The following RORA variants were observed in gnomAD, a reference collection of about 807,000 sequenced individuals.
RORA encodes RAR related orphan receptor A, also known as nuclear receptor ROR-alpha.
In RORA, 7 loss-of-function variants were observed where a neutral mutation model predicts 69.5. The ratio of observed to expected loss-of-function variants is 0.10; its 90% CI spans 0.06 to 0.19. The LOEUF is 0.19. Ranked by LOEUF, RORA falls within the 10% of genes least tolerant of loss-of-function variation. The probability of loss-of-function intolerance (pLI) is 1.00; values close to 1 mark genes in which losing one functional copy is unlikely to be tolerated. For missense variants in RORA, 457 were observed against 663.0 expected, an observed-to-expected ratio of 0.69 and a Z score of 3.41; for synonymous variants, 261 against 240.8, an observed-to-expected ratio of 1.08 and a Z score of -0.78.
chr15:60,793,042 A>G (rs946499701), intron 1 of RORA, among the ~76,000 whole-genome samples: 24 of 148,452 alleles, frequency 1.6e-4, no homozygotes, highest in African/African-American at 1.7e-4. Context: ...GAGAGAGAGA[A>G]AAAAAAAAAG....
chr15:60,845,733 G>C (rs146006303), intron 1 of RORA, among the ~76,000 whole-genome samples: 1,791 of 152,270 alleles, frequency 0.012, 22 homozygotes, highest in Non-Finnish European at 0.019. Flanking sequence ...ATACACCTCA[G>C]TATGTGAAGC....
At chr15:61,067,539 G>A (rs765419757) in intron 1 of RORA, among the ~76,000 whole-genome samples, 1 of 152,274 alleles carries the variant, frequency 6.6e-6, no homozygotes, top group Non-Finnish European at 1.5e-5. Flanking sequence ...ATGGCAGGTG[G>A]ACATGCATCT....
chr15:60,873,235 GTGTGTGTGTGTGTCTGTGTGTGTGTGTC>G (rs6145585), intron 1 of RORA, among the ~76,000 whole-genome samples: 12,386 of 130,440 alleles, frequency 0.095, 664 homozygotes, highest in Non-Finnish European at 0.14. Context: ...GTGTGTGTGT[GTGTGTGTGTGTGTCTGTGTGTGTGTGTC>G]TGTGTGTGTG....
In RORA at chr15:60,903,384, C is replaced by T. The variant is rs1012350358; in HGVS notation, c.167-224698G>A. ...AGGATCTGTTGTTTCTACTGTTGGACGCGTTTATGGGCCCTATTGGCCGAT... is the reference window on the plus strand; with the variant it reads ...AGGATCTGTTGTTTCTACTGTTGGATGCGTTTATGGGCCCTATTGGCCGAT... On this transcript the variant is annotated intron_variant, in intron 1 of 10. Transcript: ENST00000335670. Among the ~76,000 whole-genome samples, 6 of 152,092 alleles carry T rather than the reference C, an allele frequency of 3.9e-5. No individual in the cohort carries two copies. In the South Asian group the frequency reaches 6.2e-4, roughly 16 times the overall value.
At chr15:61,007,752 G>A (rs919586530) in intron 1 of RORA, among the ~76,000 whole-genome samples, 4 of 147,192 alleles carry the variant, frequency 2.7e-5, no homozygotes. Context: ...TTAGCCTAAT[G>A]TTATATATTA....
At chr15:60,699,579 A>C (rs2070953333) in intron 1 of RORA, among the ~76,000 whole-genome samples, 2 of 152,228 alleles carry the variant, frequency 1.3e-5, no homozygotes, top group African/African-American at 4.8e-5. Context: ...AAATAAGGCC[A>C]ACCATTGAGA....
At chr15:61,165,294 CG>C (rs762478073) in intron 1 of RORA, among the ~76,000 whole-genome samples, 16 of 152,290 alleles carry the variant, frequency 1.1e-4, no homozygotes, top group Non-Finnish European at 2.4e-4. Flanking sequence ...GTCATCCATT[CG>C]GATTACTTCT....
At chr15:61,071,664 TGGGGA>T (rs1182756581) in intron 1 of RORA, among the ~76,000 whole-genome samples, 82 of 3,292 alleles carry the variant, frequency 0.025, no homozygotes, top group Non-Finnish European at 0.036. Flanking sequence ...TGGGGAGGGG[TGGGGA>T]GGGGAGAGGG....
At chr15:60,858,131 T>C (rs1418638234) in intron 1 of RORA, among the ~76,000 whole-genome samples, 1 of 152,184 alleles carries the variant, frequency 6.6e-6, no homozygotes, top group East Asian at 1.9e-4. Flanking sequence ...GGCCAGTATA[T>C]AACGTTACTA....
At chr15:61,023,512 C>A (rs886676579) in intron 1 of RORA, among the ~76,000 whole-genome samples, 3 of 152,156 alleles carry the variant, frequency 2.0e-5, no homozygotes, top group African/African-American at 7.2e-5. Context: ...TCCCACAACA[C>A]GTGAGAATTA....
At chr15:60,973,992 C>T (rs910404125) in intron 1 of RORA, among the ~76,000 whole-genome samples, 5 of 152,244 alleles carry the variant, frequency 3.3e-5, no homozygotes, top group Non-Finnish European at 7.3e-5. Context: ...TGTATCCAAT[C>T]CATACCTGAG....
chr15:60,667,335 A>G (rs1161365780), intron 2 of RORA, among the ~76,000 whole-genome samples: 1 of 152,204 alleles, frequency 6.6e-6, no homozygotes, highest in African/African-American at 2.4e-5. Context: ...TCTGTCACTA[A>G]CAACTTTATA....
chr15:60,727,500 G>A (rs982131703), intron 1 of RORA, among the ~76,000 whole-genome samples: 5 of 152,110 alleles, frequency 3.3e-5, no homozygotes, highest in African/African-American at 1.2e-4. Flanking sequence ...CTCGCTGACA[G>A]CTGATCCCTT....
chr15:60,863,230 G>C (rs1427204473), intron 1 of RORA, among the ~76,000 whole-genome samples: 1 of 152,186 alleles, frequency 6.6e-6, no homozygotes, highest in Non-Finnish European at 1.5e-5. Context: ...GCCTGGGCTT[G>C]CACATTAGTG....
rs376919108 is a variant in RORA, at chr15:60,894,204, G to A, written c.167-215518C>T. Among the ~76,000 whole-genome samples, 97 of 152,348 alleles carry A rather than the reference G, an allele frequency of 6.4e-4. 2 individuals carry two copies. The South Asian group carries it at 0.016, about 25-fold the overall frequency. On this transcript the variant is annotated intron_variant, in intron 1 of 10. Coordinates refer to ENST00000335670, the MANE Select transcript of RORA (RefSeq NM_134261.3). ...CTTTTCATGTGAAGCTGGCAAAGCC[G>A]CTTCAGCGATCATTTTTTAACACGG...
At chr15:60,581,413 T>C (rs1462262812) in intron 2 of RORA, among the ~76,000 whole-genome samples, 1 of 152,218 alleles carries the variant, frequency 6.6e-6, no homozygotes, top group African/African-American at 2.4e-5. Context: ...AATTGTTTTG[T>C]TAAACAATAT....
At position 60,541,473 on chromosome 15, in the gene RORA, C is replaced by G. The variant is rs140453056; in HGVS notation, c.197-9622G>C. 4.4e-3 allele frequency among the ~76,000 whole-genome samples: 666 copies of G among 152,306 alleles called. 2 individuals carry two copies. Among genetic ancestry groups the G allele is most frequent in the African/African-American group, 0.015 (634 of 41,566 alleles). The stretch of plus-strand genomic sequence containing the variant: ...AAAGAAACATTTCCATTCTTAATTA[C>G]AACATATAAGCTCAACCTGAGAATG... On this transcript the variant is annotated intron_variant, in intron 2 of 10. Transcript: ENST00000335670.
intron 1 of RORA, among the ~76,000 whole-genome samples, chr15:60,943,567 A>C (rs532467427): frequency 7.0e-6 from 1 of 142,010 alleles, no homozygotes; most frequent in African/African-American, 2.7e-5. Flanking sequence ...ACCCGCATTC[A>C]GTTCTATTCT....
intron 1 of RORA, among the ~76,000 whole-genome samples, chr15:60,785,702 G>A (rs2072324684): frequency 1.3e-5 from 2 of 152,128 alleles, no homozygotes; most frequent in Non-Finnish European, 2.9e-5. Flanking sequence ...CTATCCACAG[G>A]ACCTTTGCAT....
Sources: gnomAD v4.1 joint callset for allele counts (sites outside exome capture counted in the v4.1 genomes callset) on GRCh38, gnomAD v4.1.1 for gene constraint, MANE v1.5 for transcripts, NCBI Gene and HGNC (gene_info 2026-07-23, HGNC 2026-07-21) for gene names.